Variants in ADGRL3 observed in about 807,000 individuals in gnomAD.
ADGRL3 encodes the protein calcium-independent alpha-latrotoxin receptor 3.
ADGRL3 carries 62 observed loss-of-function variants against 153.5 expected under a neutral mutation model. The observed-to-expected ratio is 0.40, with a 90% CI of 0.33 to 0.50. The LOEUF (loss-of-function observed/expected upper bound fraction) is 0.50. ADGRL3 is among the 20% of genes least tolerant of loss of function. ADGRL3 has a pLI of 0.47. For synonymous variants in ADGRL3, 710 were observed against 672.5 expected, an observed-to-expected ratio of 1.06 and a Z score of -0.86; for missense variants, 1,641 against 1,859.4, an observed-to-expected ratio of 0.88 and a Z score of 2.16.
chr4:61,867,515 C>CATATATATATATATATATATATAT (rs3065826), intron 9 of ADGRL3, among the ~76,000 whole-genome samples: 1,555 of 80,382 alleles, frequency 0.019, 105 homozygotes, highest in Non-Finnish European at 0.025. Context: ...AATATATATG[C>CATATATATATATATATATATATAT]ATATATATAT....
intron 2 of ADGRL3, among the ~76,000 whole-genome samples, chr4:61,456,368 GATATATCTAT>G (rs1335110736): frequency 1.8e-5 from 2 of 113,160 alleles, no homozygotes; most frequent in African/African-American, 3.3e-5. Flanking sequence ...TAGAGATATA[GATATATCTAT>G]ATATATATAT....
At chr4:61,414,925 G>A (rs1364963848) in intron 2 of ADGRL3, among the ~76,000 whole-genome samples, 1 of 151,740 alleles carries the variant, frequency 6.6e-6, no homozygotes, top group Non-Finnish European at 1.5e-5. Flanking sequence ...AAGATCCTGA[G>A]TAAATAATAT....
intron 8 of ADGRL3, chr4:61,775,837 C>T: frequency 1.8e-6 from 1 of 545,758 alleles, no homozygotes; most frequent in Non-Finnish European, 3.4e-6. Context: ...AGCAGCAATA[C>T]CTTCCTCGGC....
chr4:61,631,792 T>C (rs1234313865), intron 5 of ADGRL3, among the ~76,000 whole-genome samples: 1 of 152,092 alleles, frequency 6.6e-6, no homozygotes, highest in Non-Finnish European at 1.5e-5. Context: ...TTTTTTCTTT[T>C]CTTTTTTTGT....
At chr4:61,367,238 T>A (rs576892886) in intron 1 of ADGRL3, among the ~76,000 whole-genome samples, 50 of 152,066 alleles carry the variant, frequency 3.3e-4, no homozygotes, top group South Asian at 2.9e-3. Context: ...CTTTTTTTTT[T>A]ATTTTTTTAT....
chr4:61,330,292 T>A (rs1444322412), intron 1 of ADGRL3, among the ~76,000 whole-genome samples: 1 of 152,114 alleles, frequency 6.6e-6, no homozygotes, highest in African/African-American at 2.4e-5. Context: ...TTTGAATTGG[T>A]AGACTGAGCC....
intron 17 of ADGRL3, among the ~76,000 whole-genome samples, chr4:61,972,438 T>C: frequency 6.6e-6 from 1 of 152,174 alleles, no homozygotes; most frequent in Non-Finnish European, 1.5e-5. Flanking sequence ...TGCTTGTTTT[T>C]GTCAGGTTTG....
chr4:61,719,253 C>A lies in ADGRL3; in HGVS notation c.584-11369C>A, dbSNP rs148750765. Among the ~76,000 whole-genome samples, 384 of 152,090 alleles carry A rather than the reference C, an allele frequency of 2.5e-3. 5 individuals carry two copies. Among genetic ancestry groups the A allele is most frequent in the African/African-American group, 8.5e-3 (351 of 41,520 alleles). ...TGATGCCATCATTCTCGGAGGCATG[C>A]AATTCTTGTATTAAATATCCCAATA... On this transcript the variant is annotated intron_variant, in intron 6 of 26. Transcript: ENST00000683033.
chr4:61,676,968 G>T, intron 6 of ADGRL3, 33 bp downstream of exon 6: 2 of 1,336,134 alleles, frequency 1.5e-6, no homozygotes, highest in Non-Finnish European at 2.1e-6. Flanking sequence ...CTTGGCAAGA[G>T]AAAAGATACT....
At chr4:61,710,469 T>G (rs2095951268) in intron 6 of ADGRL3, among the ~76,000 whole-genome samples, 1 of 152,224 alleles carries the variant, frequency 6.6e-6, no homozygotes, top group African/African-American at 2.4e-5. Context: ...AGAGCCATTG[T>G]CTTTTACCTG....
At chr4:61,776,218 C>T (rs897051005) in intron 8 of ADGRL3, among the ~76,000 whole-genome samples, 4 of 152,062 alleles carry the variant, frequency 2.6e-5, no homozygotes, top group Admixed American at 2.0e-4. Context: ...GAATCTTAAA[C>T]GCACCCAAGC....
intron 8 of ADGRL3, among the ~76,000 whole-genome samples, chr4:61,798,962 T>C (rs997199161): frequency 1.4e-5 from 2 of 145,330 alleles, no homozygotes. Context: ...GGATATTTTA[T>C]ATGTATTATA....
chr4:61,475,596 T>A (rs964758679), intron 2 of ADGRL3, among the ~76,000 whole-genome samples: 1 of 148,214 alleles, frequency 6.7e-6, no homozygotes, highest in East Asian at 2.0e-4. Context: ...AGTGTAGATC[T>A]TGATTAATAT....
At chr4:61,351,924 T>C (rs2096060045) in intron 1 of ADGRL3, among the ~76,000 whole-genome samples, 1 of 152,196 alleles carries the variant, frequency 6.6e-6, no homozygotes, top group African/African-American at 2.4e-5. Flanking sequence ...TAATTTCAAT[T>C]TCCAAATGTA....
At chr4:61,241,932 C>A (rs1755140215) in intron 1 of ADGRL3, among the ~76,000 whole-genome samples, 1 of 151,984 alleles carries the variant, frequency 6.6e-6, no homozygotes, top group Non-Finnish European at 1.5e-5. Flanking sequence ...TAACTCTTTT[C>A]TTTGCATTAT....
Position 62,077,394 on chromosome 4 carries a change from C to A in ADGRL3, c.*6486C>A, listed in dbSNP as rs980792716. 1.3e-5 allele frequency: 2 copies of A among 151,854 alleles called. 1 individual carries two copies. Among genetic ancestry groups the A allele is most frequent in the East Asian group, 3.9e-4 (2 of 5,180 alleles). 9.4% of individuals were successfully genotyped at this position (151,854 alleles called of 1,614,324 possible). The stretch of plus-strand genomic sequence containing the variant: ...ACTACAAAATTTCTTGCTACATTGG[C>A]AAGGAAATATGTTTAAAGCCGAGAA... On this transcript the variant is annotated 3_prime_UTR_variant, in exon 27 of 27. Coordinates refer to ENST00000683033, the MANE Select transcript of ADGRL3 (RefSeq NM_001387552.1).
intron 24 of ADGRL3, among the ~76,000 whole-genome samples, chr4:62,042,280 T>C (rs1728774899): frequency 6.6e-6 from 1 of 151,760 alleles, no homozygotes; most frequent in African/African-American, 2.4e-5. Flanking sequence ...ATGTAAGAAA[T>C]AATTATATAA....
At chr4:61,523,037 TTGAC>T (rs1204050097) in intron 4 of ADGRL3, among the ~76,000 whole-genome samples, 3 of 142,862 alleles carry the variant, frequency 2.1e-5, no homozygotes, top group Non-Finnish European at 4.5e-5. Flanking sequence ...GATTTTGAAT[TTGAC>T]TGGTCTGAAA....
At chr4:61,487,224 G>A (rs2098205558) in intron 2 of ADGRL3, among the ~76,000 whole-genome samples, 1 of 152,110 alleles carries the variant, frequency 6.6e-6, no homozygotes, top group African/African-American at 2.4e-5. Context: ...GGTCTAGACT[G>A]CTTTGATGCA....
Sources: gnomAD v4.1 joint callset for allele counts (sites outside exome capture counted in the v4.1 genomes callset) on GRCh38, gnomAD v4.1.1 for gene constraint, MANE v1.5 for transcripts, NCBI Gene and HGNC (gene_info 2026-07-23, HGNC 2026-07-21) for gene names.